The following NOP14 variants were observed in gnomAD, a reference collection of about 807,000 sequenced individuals.
NOP14 encodes nucleolar protein 14.
Under a neutral mutation model 101.6 loss-of-function variants are expected in NOP14, and 57 were observed. The observed-to-expected ratio is 0.56, with a 90% CI of 0.45 to 0.70. The LOEUF (loss-of-function observed/expected upper bound fraction) is 0.70, where lower values mean the gene tolerates loss of function less well. NOP14 is among the 30% of genes least tolerant of loss of function. The pLI, the probability that NOP14 is intolerant of heterozygous loss-of-function variation, is 0.00. For missense variants in NOP14, 1,134 were observed against 1,075.5 expected, an observed-to-expected ratio of 1.05 and a Z score of -0.76; for synonymous variants, 428 against 424.0, an observed-to-expected ratio of 1.01 and a Z score of -0.12.
At chr4:2,941,823 T>A (rs536344903) in intron 14 of NOP14, 94 bp from the exon 15 acceptor site, 3 of 1,404,852 alleles carry the variant, frequency 2.1e-6, no homozygotes, top group Middle Eastern at 1.9e-4. Flanking sequence ...CCACTTCCAC[T>A]AGGCTGAAAA....
At chr4:2,949,465 A>G (rs976980968) in intron 8 of NOP14, among the ~76,000 whole-genome samples, 3 of 152,146 alleles carry the variant, frequency 2.0e-5, no homozygotes, top group Admixed American at 6.5e-5. Context: ...TTGGCCTCCC[A>G]AAGTGTTGGG....
intron 14 of NOP14, 183 bp from the exon 15 acceptor site, chr4:2,941,912 G>A (rs867408800): frequency 9.8e-5 from 70 of 715,750 alleles, no homozygotes; most frequent in African/African-American, 9.1e-4. Context: ...CAGGCCTAAC[G>A]CAGGAGGGGA....
At chr4:2,955,655 C>T (rs1715303229) in intron 3 of NOP14, among the ~76,000 whole-genome samples, 1 of 152,270 alleles carries the variant, frequency 6.6e-6, no homozygotes, top group South Asian at 2.1e-4. Context: ...CAGTTACCTC[C>T]AGTCTCGGGG....
intron 14 of NOP14, 43 bp from the exon 15 acceptor site, chr4:2,941,772 T>G: frequency 6.3e-7 from 1 of 1,591,868 alleles, no homozygotes; most frequent in African/African-American, 1.3e-5. Flanking sequence ...TTGTTCTGTT[T>G]GTCACTGACA....
chr4:2,939,058 C>T, intron 17 of NOP14, 128 bp from the exon 18 acceptor site: 2 of 1,506,710 alleles, frequency 1.3e-6, no homozygotes, highest in Non-Finnish European at 1.8e-6. Context: ...GGGAAGTGAA[C>T]CTGCCTGGCT....
chr4:2,943,436 G>C (rs1714374152), intron 13 of NOP14, among the ~76,000 whole-genome samples: 1 of 152,254 alleles, frequency 6.6e-6, no homozygotes. Context: ...TCACCCCCCA[G>C]AGGGAAGCAG....
Position 2,951,936 on chromosome 4 carries a change from A to G in NOP14, c.870+339T>C, listed in dbSNP as rs76541680. Among the ~76,000 whole-genome samples the G allele has an allele frequency of 2.2e-4, 34 of 152,172 alleles. No homozygotes were observed. The East Asian group carries it at 6.2e-3, about 28-fold the overall frequency. Reference sequence around the variant, plus strand: ...CGCCTGGCCAACATGGCGAAATCCTATCTCTACTAAAAATACAAAAATTAG... The same window carrying G: ...CGCCTGGCCAACATGGCGAAATCCTGTCTCTACTAAAAATACAAAAATTAG... On this transcript the variant is annotated intron_variant, in intron 6 of 17. Transcript: ENST00000416614.
At chr4:2,942,565 G>A (rs1174935827) in intron 13 of NOP14, among the ~76,000 whole-genome samples, 2 of 152,306 alleles carry the variant, frequency 1.3e-5, no homozygotes, top group South Asian at 2.1e-4. Flanking sequence ...AGAGCCAAGT[G>A]CCTGATCCTG....
At chr4:2,950,268 C>G in intron 7 of NOP14, 55 bp from the exon 8 acceptor site, 1 of 1,577,888 alleles carries the variant, frequency 6.3e-7, no homozygotes, top group Non-Finnish European at 8.6e-7. Context: ...CAACGCTGGA[C>G]CATCTCACAG....
rs947775590 is a variant in NOP14, at chr4:2,963,232, T to C, written c.88A>G (p.Asn30Asp). ...ARGGPAKANSNPFEVKVNRQK... is the reference protein window; with the variant it reads ...ARGGPAKANSDPFEVKVNRQK... ...CTGTTAACTTTCACCTCGAACGGATTGGAGTTGGCCTTCGCCGGGCCCCCT... is the reference window on the plus strand; with the variant it reads ...CTGTTAACTTTCACCTCGAACGGATCGGAGTTGGCCTTCGCCGGGCCCCCT... Residue 30 changes from asparagine (N) to aspartate (D), a missense_variant, in exon 1 of 18, where the codon AAT (asparagine) becomes GAT (aspartate). Asn to Asp is a conservative substitution (Grantham distance 23, BLOSUM62 1). Coordinates refer to ENST00000416614, the MANE Select transcript of NOP14 (RefSeq NM_001291978.2). 5.7e-6 allele frequency: 9 copies of C among 1,588,438 alleles called. No individual in the cohort carries two copies. Among genetic ancestry groups the C allele is most frequent in the Non-Finnish European group, 6.8e-6 (8 of 1,170,058 alleles).
chr4:2,945,102 C>T, intron 12 of NOP14, 26 bp downstream of exon 12: 2 of 1,519,370 alleles, frequency 1.3e-6, no homozygotes, highest in Non-Finnish European at 1.8e-6. Context: ...GCAGGCCGAC[C>T]CCTGCCGCAT....
intron 16 of NOP14, 92 bp from the exon 17 acceptor site, chr4:2,939,435 A>G: frequency 6.2e-7 from 1 of 1,600,984 alleles, no homozygotes. Flanking sequence ...CTCCGTAGTC[A>G]TCTGCTCAAC....
intron 3 of NOP14, among the ~76,000 whole-genome samples, chr4:2,955,260 C>G (rs1366117052): frequency 2.1e-5 from 1 of 47,092 alleles, no homozygotes; most frequent in Admixed American, 1.6e-4. Flanking sequence ...TCACCTGCAC[C>G]ACGGCGCCCT....
Position 2,938,729 on chromosome 4 carries a change from A to G in NOP14, c.*102T>C. The G allele has an allele frequency of 1.1e-6, 1 of 928,366 alleles. No homozygotes were observed. 57.5% of individuals were successfully genotyped at this position (928,366 alleles called of 1,614,324 possible). On this transcript the variant is annotated 3_prime_UTR_variant, in exon 18 of 18. Transcript: ENST00000416614. Reference sequence around the variant, plus strand: ...TCCTGTGTTGCCCAGGCTGGTCTCGAACTCCTGGGCTGAAGCAATCTTCCT... The same window carrying G: ...TCCTGTGTTGCCCAGGCTGGTCTCGGACTCCTGGGCTGAAGCAATCTTCCT...
intron 15 of NOP14, among the ~76,000 whole-genome samples, chr4:2,940,009 C>T (rs1355788603): frequency 2.0e-5 from 3 of 152,210 alleles, no homozygotes; most frequent in South Asian, 2.1e-4. Flanking sequence ...AAACTTGGCA[C>T]GAAAGGCCGT....
Position 2,938,720 on chromosome 4 carries a change from C to T in NOP14, c.*111G>A, listed in dbSNP as rs1713880565. On this transcript the variant is annotated 3_prime_UTR_variant, in exon 18 of 18. Transcript: ENST00000416614. ...ACGGGGTCTTCCTGTGTTGCCCAGG[C>T]TGGTCTCGAACTCCTGGGCTGAAGC... 5 of 810,434 alleles carry T rather than the reference C, an allele frequency of 6.2e-6. No individual in the cohort carries two copies. The Admixed American group carries it at 7.3e-5, about 12-fold the overall frequency. The allele number at this position is 810,434 out of a possible 1,614,324, so 50.2% of individuals were successfully genotyped here.
rs61743489 is a variant in NOP14, at chr4:2,950,141, C to G, written c.1075G>C (p.Glu359Gln). 1 of 1,614,184 alleles carries G rather than the reference C, an allele frequency of 6.2e-7. No homozygotes were observed. The highest frequency in any genetic ancestry group is 1.1e-5 in the South Asian group (1 of 91,092). The change falls in exon 8 of 18, where the codon GAG (glutamate) becomes CAG (glutamine). Residue 359 changes from glutamate (E) to glutamine (Q), a missense_variant. Coordinates refer to ENST00000416614, the MANE Select transcript of NOP14 (RefSeq NM_001291978.2). ...SKEASDPESN[E>Q]EEGDSSGGED... ...CCGCCTGAACTGTCACCTTCTTCCT[C>G]GTTGCTCTCAGGGTCACTGGCTTCC...
rs565350231 is a variant in NOP14 at position 2,939,632 on chromosome 4, C to T, written c.2213G>A (p.Ser738Asn). 361 of 1,613,420 alleles carry T rather than the reference C, an allele frequency of 2.2e-4. 1 individual carries two copies. Among genetic ancestry groups the T allele is most frequent in the Non-Finnish European group, 3.0e-4 (350 of 1,179,770 alleles). ...CTGGCTTTCCATTTCGGTCAGTGTG[C>T]TCTGACACAGCTCCTGAAAAACACG... ...HPQELQELCQSTLTEMESQKQ... is the reference protein window; with the variant it reads ...HPQELQELCQNTLTEMESQKQ... Residue 738 changes from serine (S) to asparagine (N), a missense_variant, in exon 16 of 18, where the codon AGC (serine) becomes AAC (asparagine). Ser to Asn is a conservative substitution (Grantham distance 46, BLOSUM62 1). Transcript: ENST00000416614.
chr4:2,948,408 G>A lies in NOP14; in HGVS notation c.1283C>T (p.Ala428Val), dbSNP rs1036175771. ...TRDELPYTFA[A>V]PESYEELRSL... The stretch of plus-strand genomic sequence containing the variant: ...TCTCAGTTCCTCATAGGATTCAGGG[G>A]CTATCAAAAACACAAAACATACTGC... Residue 428 changes from alanine to valine, a missense_variant and splice_region_variant, in exon 9 of 18, where the codon GCC becomes GTC. Transcript: ENST00000416614. 6 of 1,605,406 alleles carry A rather than the reference G, an allele frequency of 3.7e-6. No homozygotes were observed. Among genetic ancestry groups the A allele is most frequent in the Non-Finnish European group, 3.4e-6 (4 of 1,177,284 alleles).
Sources: allele counts gnomAD v4.1 joint callset (sites outside exome capture counted in the v4.1 genomes callset), GRCh38; gene constraint gnomAD v4.1.1; transcripts MANE v1.5; gene names NCBI Gene and HGNC (gene_info 2026-07-23, HGNC 2026-07-21).